Variants in ROBO2 observed in about 807,000 individuals in gnomAD.
ROBO2 encodes the protein roundabout homolog 2.
Under a neutral mutation model 160.8 loss-of-function variants are expected in ROBO2, and 53 were observed. The ratio of observed to expected loss-of-function variants is 0.33; its 90% CI spans 0.26 to 0.41. The LOEUF is 0.41. Among genes scored for constraint, ROBO2 ranks in the 10% least tolerant of loss-of-function variants. ROBO2 has a pLI of 1.00. For synonymous variants in ROBO2, 664 were observed against 611.7 expected, an observed-to-expected ratio of 1.09 and a Z score of -1.26; for missense variants, 1,577 against 1,722.4, an observed-to-expected ratio of 0.92 and a Z score of 1.49.
chr3:76,378,487 T>A (rs898812656), intron 2 of ROBO2, among the ~76,000 whole-genome samples: 2 of 152,124 alleles, frequency 1.3e-5, no homozygotes, highest in African/African-American at 4.8e-5. Flanking sequence ...GAGTAGGAGA[T>A]CAAGTATCAT....
chr3:76,334,534 A>G (rs1331901163), intron 2 of ROBO2, among the ~76,000 whole-genome samples: 1 of 152,186 alleles, frequency 6.6e-6, no homozygotes, highest in Non-Finnish European at 1.5e-5. Context: ...CCATTTTTCT[A>G]GTGATCTACA....
At chr3:76,628,094 A>C (rs916772240) in intron 2 of ROBO2, among the ~76,000 whole-genome samples, 1 of 152,182 alleles carries the variant, frequency 6.6e-6, no homozygotes, top group African/African-American at 2.4e-5. Flanking sequence ...TTGAGTTCTC[A>C]TGCCAGAATG....
At chr3:76,924,529 C>G (rs777838023) in intron 2 of ROBO2, among the ~76,000 whole-genome samples, 14 of 152,136 alleles carry the variant, frequency 9.2e-5, no homozygotes, top group Non-Finnish European at 1.9e-4. Flanking sequence ...TGTAAGCTAC[C>G]CACATTAAGG....
At chr3:77,204,073 A>C (rs959673843) in intron 2 of ROBO2, among the ~76,000 whole-genome samples, 2 of 152,214 alleles carry the variant, frequency 1.3e-5, no homozygotes, top group Admixed American at 6.5e-5. Context: ...TTATAGTAGA[A>C]AGTAAATAAG....
In ROBO2 at chr3:76,395,063, C is replaced by T. The variant is rs1164073864; in HGVS notation, c.109+457461C>T. Among the ~76,000 whole-genome samples the T allele has an allele frequency of 2.0e-5, 3 of 152,010 alleles. No individual in the cohort carries two copies. The East Asian group carries it at 5.8e-4, about 29-fold the overall frequency. On this transcript the variant is annotated intron_variant, in intron 2 of 26. Transcript: ENST00000487694. ...GCACCACACCTATTCCAACATTGAC[C>T]ACACAGTTGGAAGTAAAGCACTCCT...
At chr3:76,507,189 T>C (rs924351414) in intron 2 of ROBO2, among the ~76,000 whole-genome samples, 1 of 152,072 alleles carries the variant, frequency 6.6e-6, no homozygotes, top group African/African-American at 2.4e-5. Context: ...AAATATTTTA[T>C]ATCAAAAGAG....
rs531521040 is a variant in ROBO2, at chr3:76,957,921, G to A, written c.110-140093G>A. On this transcript the variant is annotated intron_variant, in intron 2 of 26. Coordinates refer to the ROBO2 transcript ENST00000487694. ...GTTCATGACCACGGATGAGATGGAA[G>A]GGGGACTATTTGCGTGAAAGTTCTC... Among the ~76,000 whole-genome samples the A allele has an allele frequency of 3.3e-5, 5 of 152,290 alleles. No homozygotes were observed. In the South Asian group the frequency reaches 1.0e-3, roughly 32 times the overall value.
chr3:76,656,173 A>G (rs2109975213), intron 2 of ROBO2, among the ~76,000 whole-genome samples: 1 of 152,266 alleles, frequency 6.6e-6, no homozygotes, highest in East Asian at 1.9e-4. Flanking sequence ...TTGTGACTAA[A>G]AGCTTGTTGC....
At chr3:77,077,308 T>A (rs944444215) in intron 1 of ROBO2, among the ~76,000 whole-genome samples, 1 of 152,240 alleles carries the variant, frequency 6.6e-6, no homozygotes, top group African/African-American at 2.4e-5. Context: ...TAATAATTTC[T>A]GTTGTTATTA....
At chr3:76,889,022 C>A (rs1017352709) in intron 2 of ROBO2, among the ~76,000 whole-genome samples, 1 of 152,194 alleles carries the variant, frequency 6.6e-6, no homozygotes, top group Non-Finnish European at 1.5e-5. Flanking sequence ...ATTCATTCTT[C>A]ACACGATGTA....
At chr3:76,301,011 T>C (rs2107738729) in intron 2 of ROBO2, among the ~76,000 whole-genome samples, 1 of 152,202 alleles carries the variant, frequency 6.6e-6, no homozygotes, top group Admixed American at 6.5e-5. Flanking sequence ...TGCCAGATGA[T>C]TTCTGTTATG....
At chr3:75,936,006 G>C (rs1947762725) in intron 1 of ROBO2, among the ~76,000 whole-genome samples, 2 of 152,202 alleles carry the variant, frequency 1.3e-5, no homozygotes, top group African/African-American at 4.8e-5. Flanking sequence ...ATTGGGTAAA[G>C]AATGTAAGGC....
chr3:76,648,594 A>G (rs1263784142), intron 2 of ROBO2, among the ~76,000 whole-genome samples: 1 of 152,064 alleles, frequency 6.6e-6, no homozygotes, highest in Non-Finnish European at 1.5e-5. Context: ...ATGCTGCCAT[A>G]TTTAGAGTAA....
chr3:76,399,995 AT>A (rs1230234500), intron 2 of ROBO2, among the ~76,000 whole-genome samples: 1 of 151,676 alleles, frequency 6.6e-6, no homozygotes, highest in Non-Finnish European at 1.5e-5. Flanking sequence ...AGATGAATGG[AT>A]ATTACGACAA....
chr3:76,722,882 C>A (rs553570179), intron 2 of ROBO2, among the ~76,000 whole-genome samples: 5 of 152,078 alleles, frequency 3.3e-5, no homozygotes, highest in Non-Finnish European at 7.4e-5. Context: ...CTTTTGTCTA[C>A]GATTAATAAA....
intron 2 of ROBO2, among the ~76,000 whole-genome samples, chr3:77,349,836 C>T (rs757081484): frequency 2.6e-5 from 4 of 152,026 alleles, no homozygotes; most frequent in Non-Finnish European, 5.9e-5. Flanking sequence ...CAATCGTGAT[C>T]ACAAAACAGC....
intron 2 of ROBO2, among the ~76,000 whole-genome samples, chr3:76,850,640 TCTC>T (rs1260506213): frequency 1.3e-5 from 2 of 152,028 alleles, no homozygotes; most frequent in South Asian, 2.1e-4. Context: ...CCTGTATAAT[TCTC>T]CTACCAATGA....
intron 19 of ROBO2, among the ~76,000 whole-genome samples, chr3:77,599,829 C>T (rs1478471147): frequency 1.3e-5 from 2 of 152,094 alleles, no homozygotes; most frequent in African/African-American, 4.8e-5. Flanking sequence ...AGTGCTTACT[C>T]TCTTCAAAAC....
chr3:76,474,812 AT>A (rs1425681047), intron 2 of ROBO2, among the ~76,000 whole-genome samples: 7 of 152,136 alleles, frequency 4.6e-5, no homozygotes, highest in Admixed American at 3.3e-4. Context: ...GCATCTGCAG[AT>A]TCGAAACTGA....
Sources: allele counts gnomAD v4.1 joint callset (sites outside exome capture counted in the v4.1 genomes callset), GRCh38; gene constraint gnomAD v4.1.1; transcripts MANE v1.5; gene names NCBI Gene and HGNC (gene_info 2026-07-23, HGNC 2026-07-21).